LUZP2: variants seen among roughly 807,000 people sequenced by gnomAD.
The protein encoded by LUZP2 is leucine zipper protein 2.
LUZP2 carries 52 observed loss-of-function variants against 51.6 expected under a neutral mutation model. The observed-to-expected ratio is 1.01, with a 90% CI of 0.81 to 1.27. The LOEUF is 1.27. LUZP2 is among the 50% of genes most tolerant of loss of function. LUZP2 has a pLI of 0.00. For missense variants in LUZP2, 436 were observed against 395.4 expected (o/e 1.10, Z -0.87); for synonymous variants, 154 against 137.3 (o/e 1.12, Z -0.85).
At chr11:24,523,648 A>G (rs893016229) in intron 1 of LUZP2, among the ~76,000 whole-genome samples, 1 of 151,530 alleles carries the variant, frequency 6.6e-6, no homozygotes. Flanking sequence ...GATCCTGGTA[A>G]CAGTAATCAA....
chr11:24,652,763 G>A (rs186067354), intron 1 of LUZP2, among the ~76,000 whole-genome samples: 22 of 152,022 alleles, frequency 1.4e-4, no homozygotes, highest in African/African-American at 5.1e-4. Context: ...ATAATAAATC[G>A]TAGTAAATAT....
intron 5 of LUZP2, among the ~76,000 whole-genome samples, chr11:24,782,601 TCTCA>T (rs1849126092): frequency 1.3e-5 from 2 of 152,034 alleles, no homozygotes; most frequent in African/African-American, 2.4e-5. Context: ...TTTAATATTT[TCTCA>T]CTTTCTCCTC....
intron 1 of LUZP2, among the ~76,000 whole-genome samples, chr11:24,624,657 T>C (rs952805070): frequency 2.6e-5 from 4 of 152,088 alleles, no homozygotes; most frequent in African/African-American, 9.7e-5. Context: ...AATGTATAGT[T>C]AAAGAAAGAT....
At chr11:24,916,442 A>G (rs1007175124) in intron 7 of LUZP2, among the ~76,000 whole-genome samples, 2 of 151,842 alleles carry the variant, frequency 1.3e-5, no homozygotes, top group South Asian at 2.1e-4. Context: ...CCATTAACTC[A>G]TCATTTACAT....
intron 5 of LUZP2, among the ~76,000 whole-genome samples, chr11:24,877,314 G>A (rs1852303155): frequency 1.3e-5 from 2 of 152,052 alleles, no homozygotes; most frequent in Non-Finnish European, 2.9e-5. Flanking sequence ...CATTATTCGT[G>A]AGAGTAAGTC....
chr11:24,524,549 C>T (rs1236479703), intron 1 of LUZP2, among the ~76,000 whole-genome samples: 1 of 151,608 alleles, frequency 6.6e-6, no homozygotes, highest in East Asian at 1.9e-4. Context: ...TTTTGAAAAC[C>T]ATAGAAATTT....
intron 5 of LUZP2, among the ~76,000 whole-genome samples, chr11:24,806,028 C>T (rs1211629905): frequency 4.6e-5 from 7 of 152,160 alleles, no homozygotes; most frequent in Non-Finnish European, 1.0e-4. Flanking sequence ...GCCTGACTTG[C>T]TTTGAAATAC....
At chr11:24,807,378 C>T (rs1281186763) in intron 5 of LUZP2, among the ~76,000 whole-genome samples, 1 of 151,102 alleles carries the variant, frequency 6.6e-6, no homozygotes, top group Non-Finnish European at 1.5e-5. Flanking sequence ...AGGAGAATCA[C>T]TTGAATCCGG....
At chr11:24,640,516 T>TAG (rs1253566204) in intron 1 of LUZP2, among the ~76,000 whole-genome samples, 13 of 151,954 alleles carry the variant, frequency 8.6e-5, no homozygotes, top group Admixed American at 4.6e-4. Context: ...AAACAGGATT[T>TAG]ACATGACTTT....
chr11:24,656,783 G>A (rs569818945), intron 1 of LUZP2, among the ~76,000 whole-genome samples: 1 of 152,100 alleles, frequency 6.6e-6, no homozygotes, highest in Non-Finnish European at 1.5e-5. Context: ...TCCGCTTTGC[G>A]CTCCGAGCCC....
In LUZP2 at chr11:24,508,811, T is replaced by A. The variant is rs961430774; in HGVS notation, c.62+11506T>A. 2.6e-5 allele frequency among the ~76,000 whole-genome samples: 4 copies of A among 152,268 alleles called. No homozygotes were observed. In the South Asian group the frequency reaches 6.2e-4, roughly 24 times the overall value. ...TAATGCTTTTCAGTGCCTTATGAAGTGCTTGCTTTACAAAATGAGGCATTA... is the reference window on the plus strand; with the variant it reads ...TAATGCTTTTCAGTGCCTTATGAAGAGCTTGCTTTACAAAATGAGGCATTA... On this transcript the variant is annotated intron_variant, in intron 1 of 11. Coordinates refer to ENST00000336930, the MANE Select transcript of LUZP2 (RefSeq NM_001009909.4).
chr11:24,855,872 T>C (rs1440557217), intron 5 of LUZP2, among the ~76,000 whole-genome samples: 1 of 152,122 alleles, frequency 6.6e-6, no homozygotes, highest in African/African-American at 2.4e-5. Context: ...GGACAAACTT[T>C]TCAATAAATG....
intron 5 of LUZP2, among the ~76,000 whole-genome samples, chr11:24,896,189 G>A (rs747925631): frequency 2.1e-4 from 32 of 152,228 alleles, no homozygotes; most frequent in Non-Finnish European, 4.0e-4. Context: ...CTCTGACCAC[G>A]CTCGAGGAGC....
At chr11:24,659,134 T>C (rs566228682) in intron 1 of LUZP2, among the ~76,000 whole-genome samples, 13 of 152,270 alleles carry the variant, frequency 8.5e-5, no homozygotes, top group African/African-American at 2.9e-4. Context: ...ATGTTTATTG[T>C]GGCACTATTC....
intron 10 of LUZP2, among the ~76,000 whole-genome samples, chr11:25,062,823 TATAA>T (rs1282202302): frequency 2.0e-5 from 3 of 151,422 alleles, no homozygotes; most frequent in South Asian, 2.1e-4. Flanking sequence ...AGCATTTTTA[TATAA>T]ATAAACATTG....
chr11:24,897,470 G>C (rs1853113712), intron 5 of LUZP2, among the ~76,000 whole-genome samples: 1 of 152,084 alleles, frequency 6.6e-6, no homozygotes. Context: ...AACCCACCGG[G>C]AGGAATGAAC....
chr11:24,820,477 T>C (rs1021003959), intron 5 of LUZP2, among the ~76,000 whole-genome samples: 6 of 152,128 alleles, frequency 3.9e-5, no homozygotes, highest in East Asian at 1.9e-4. Flanking sequence ...CACCAGGCAG[T>C]TCAGCATAAA....
chr11:24,519,066 G>A (rs146206504), intron 1 of LUZP2, among the ~76,000 whole-genome samples: 479 of 152,280 alleles, frequency 3.1e-3, no homozygotes, highest in Non-Finnish European at 5.8e-3. Context: ...TGAGCTCTAG[G>A]TAGCAAATGG....
rs567464015 is a variant in LUZP2 at position 24,708,613 on chromosome 11, A to G, written c.63-20556A>G. 4.6e-5 allele frequency among the ~76,000 whole-genome samples: 7 copies of G among 152,262 alleles called. No homozygotes were observed. In the East Asian group the frequency reaches 9.7e-4, roughly 21 times the overall value. The stretch of plus-strand genomic sequence containing the variant: ...TCACAGACCCACTTCTTGTAGGCCT[A>G]TAAGAATCACCTGAAATGCTTATGA... On this transcript the variant is annotated intron_variant, in intron 1 of 11. Transcript: ENST00000336930.
Sources: allele counts gnomAD v4.1 joint callset (sites outside exome capture counted in the v4.1 genomes callset), GRCh38; gene constraint gnomAD v4.1.1; transcripts MANE v1.5; gene names NCBI Gene and HGNC (gene_info 2026-07-23, HGNC 2026-07-21).